CCDC3: variants seen among roughly 807,000 people sequenced by gnomAD.
CCDC3 encodes coiled-coil domain-containing protein 3.
Under a neutral mutation model 21.4 loss-of-function variants are expected in CCDC3, and 24 were observed. That is an observed-to-expected ratio of 1.12 (90% CI 0.81 to 1.58). The LOEUF (loss-of-function observed/expected upper bound fraction) is 1.58. Ranked by LOEUF, CCDC3 falls within the 40% of genes most tolerant of loss-of-function variation. CCDC3 has a pLI of 0.00. For synonymous variants in CCDC3, 186 were observed against 166.0 expected, an observed-to-expected ratio of 1.12 and a Z score of -0.93; for missense variants, 425 against 360.9, an observed-to-expected ratio of 1.18 and a Z score of -1.44.
intron 2 of CCDC3, among the ~76,000 whole-genome samples, chr10:12,910,703 G>A (rs892746844): frequency 5.4e-5 from 8 of 148,870 alleles, no homozygotes; most frequent in African/African-American, 2.0e-4. Context: ...TCCACCTACC[G>A]AGTTCAAGCG....
intron 2 of CCDC3, among the ~76,000 whole-genome samples, chr10:12,955,037 A>G (rs891533128): frequency 1.3e-5 from 2 of 152,100 alleles, no homozygotes; most frequent in African/African-American, 4.8e-5. Flanking sequence ...AGCACTTCAC[A>G]CGATCATCAC....
chr10:13,015,904 TA>T (rs967363079), intron 5 of CCDC3, among the ~76,000 whole-genome samples: 4 of 151,930 alleles, frequency 2.6e-5, no homozygotes, highest in Non-Finnish European at 1.5e-5. Flanking sequence ...GTGACTGTAG[TA>T]AAAAAATAAT....
At chr10:13,084,302 TG>T (rs1837077143) in intron 3 of CCDC3, among the ~76,000 whole-genome samples, 1 of 151,030 alleles carries the variant, frequency 6.6e-6, no homozygotes, top group Non-Finnish European at 1.5e-5. Flanking sequence ...TTTTTTTTTT[TG>T]AGACAGCATT....
chr10:12,983,281 A>T (rs1835535183), intron 2 of CCDC3, among the ~76,000 whole-genome samples: 1 of 150,882 alleles, frequency 6.6e-6, no homozygotes, highest in African/African-American at 2.4e-5. Context: ...GCAAAGAAGA[A>T]TTTGAAAACA....
chr10:13,072,867 C>CTTTTTT (rs144915227), intron 4 of CCDC3, among the ~76,000 whole-genome samples: 1 of 118,024 alleles, frequency 8.5e-6, no homozygotes, highest in Non-Finnish European at 1.7e-5. Flanking sequence ...TCTTTTCTTT[C>CTTTTTT]TTTTTTTTTT....
rs535930083 is a variant in CCDC3 at position 13,079,026 on chromosome 10, A to AC, written c.-502-4927_-502-4926insG. On this transcript the variant is annotated intron_variant, in intron 3 of 6. Coordinates refer to the CCDC3 transcript ENST00000378839. ...AAAATATAATAATAATTAAAAAAAA[A>AC]TTGCTTCCCTTCTTTATTCAGGTGT... Among the ~76,000 whole-genome samples, 161 of 152,190 alleles carry AC rather than the reference A, an allele frequency of 1.1e-3. No homozygotes were observed. The East Asian group carries it at 0.027, about 25-fold the overall frequency.
intron 2 of CCDC3, among the ~76,000 whole-genome samples, chr10:12,982,121 CAAAAAAAAAAAAAAAAAA>C (rs71386135): frequency 3.0e-5 from 1 of 33,252 alleles, no homozygotes; most frequent in African/African-American, 1.3e-4. Flanking sequence ...GACTCTGTCT[CAAAAAAAAAAAAAAAAAA>C]AAAAAAAAAA....
chr10:12,979,501 C>A (rs924972513), intron 2 of CCDC3, among the ~76,000 whole-genome samples: 1 of 151,926 alleles, frequency 6.6e-6, no homozygotes, highest in East Asian at 1.9e-4. Context: ...TCTCAGCCTC[C>A]AAAGTGTCTG....
rs149303620 is a variant in CCDC3 at position 13,008,987 on chromosome 10, A to G, written c.-1-10475T>C. Among the ~76,000 whole-genome samples the G allele has an allele frequency of 5.4e-3, 818 of 152,292 alleles. 5 individuals are homozygous for G. Among genetic ancestry groups the G allele is most frequent in the African/African-American group, 0.018 (767 of 41,566 alleles). Reference sequence around the variant, plus strand: ...CATCCAGATTGGAAAAAAAGATGTAAAATTCTATTTACCCATGACATGATC... The same window carrying G: ...CATCCAGATTGGAAAAAAAGATGTAGAATTCTATTTACCCATGACATGATC... On this transcript the variant is annotated intron_variant, in intron 5 of 6. Coordinates refer to the CCDC3 transcript ENST00000378839.
intron 2 of CCDC3, among the ~76,000 whole-genome samples, chr10:12,926,005 G>A (rs1834531108): frequency 6.6e-6 from 1 of 152,256 alleles, no homozygotes; most frequent in Non-Finnish European, 1.5e-5. Context: ...TACTTGAGAT[G>A]CTATGCCCAA....
chr10:12,947,514 A>G (rs747064698), intron 2 of CCDC3, among the ~76,000 whole-genome samples: 10 of 152,198 alleles, frequency 6.6e-5, no homozygotes, highest in Non-Finnish European at 1.3e-4. Flanking sequence ...GGTGCTAAAA[A>G]TACATGAGGC....
chr10:12,925,436 C>A (rs1397290289), intron 2 of CCDC3, among the ~76,000 whole-genome samples: 3 of 152,190 alleles, frequency 2.0e-5, no homozygotes, highest in Non-Finnish European at 2.9e-5. Context: ...TATTTCAAGG[C>A]CCTCTAAGTA....
At chr10:12,946,249 C>G (rs1834915315) in intron 2 of CCDC3, among the ~76,000 whole-genome samples, 1 of 152,150 alleles carries the variant, frequency 6.6e-6, no homozygotes, top group Non-Finnish European at 1.5e-5. Flanking sequence ...GACTGACAGG[C>G]AATAGCATCA....
chr10:13,080,847 A>G (rs1277398621), intron 3 of CCDC3, among the ~76,000 whole-genome samples: 1 of 152,260 alleles, frequency 6.6e-6, no homozygotes. Flanking sequence ...CAGAGGCCAG[A>G]CAGTGGGGGC....
intron 5 of CCDC3, among the ~76,000 whole-genome samples, chr10:13,042,791 C>A (rs910332245): frequency 3.3e-5 from 5 of 151,670 alleles, no homozygotes; most frequent in African/African-American, 1.2e-4. Context: ...CGCCTGTAGT[C>A]CCAGCTACCC....
intron 3 of CCDC3, among the ~76,000 whole-genome samples, chr10:13,093,124 C>G (rs117058843): frequency 0.12 from 17,635 of 148,300 alleles, 1,152 homozygotes; most frequent in East Asian, 0.24. Context: ...AGTCTGTTTT[C>G]ATGCTGCTGA....
intron 4 of CCDC3, among the ~76,000 whole-genome samples, chr10:13,069,040 G>A (rs1047082895): frequency 6.6e-6 from 1 of 152,248 alleles, no homozygotes; most frequent in Admixed American, 6.5e-5. Context: ...CGGATCACCT[G>A]AGGTCGGGAG....
intron 2 of CCDC3, among the ~76,000 whole-genome samples, chr10:12,995,086 G>GA (rs11355303): frequency 0.058 from 8,112 of 140,016 alleles, 742 homozygotes; most frequent in African/African-American, 0.2. Context: ...CATCTCAAAA[G>GA]AAAAAAAAAA....
intron 2 of CCDC3, among the ~76,000 whole-genome samples, chr10:12,962,437 T>C (rs1835193573): frequency 6.6e-6 from 1 of 152,198 alleles, no homozygotes; most frequent in Admixed American, 6.5e-5. Context: ...ACCCTGTCTC[T>C]ACTAAATATA....
Sources: allele counts gnomAD v4.1 joint callset (sites outside exome capture counted in the v4.1 genomes callset), GRCh38; gene constraint gnomAD v4.1.1; transcripts MANE v1.5; gene names NCBI Gene and HGNC (gene_info 2026-07-23, HGNC 2026-07-21).